LAMA4: variants seen among roughly 807,000 people sequenced by gnomAD.
LAMA4 encodes the protein laminin subunit alpha 4.
LAMA4 carries 127 observed loss-of-function variants against 207.1 expected under a neutral mutation model. The ratio of observed to expected loss-of-function variants is 0.61; its 90% confidence interval spans 0.53 to 0.71. LAMA4 has a LOEUF of 0.71. Among genes scored for constraint, LAMA4 ranks in the 30% least tolerant of loss-of-function variants. LAMA4 has a pLI of 0.00. For missense variants in LAMA4, 2,093 were observed against 2,246.5 expected (o/e 0.93, Z 1.38); for synonymous variants, 761 against 816.0 (o/e 0.93, Z 1.15).
chr6:112,237,283 T>C (rs1554366408), intron 2 of LAMA4, among the ~76,000 whole-genome samples: 1 of 152,214 alleles, frequency 6.6e-6, no homozygotes, highest in Non-Finnish European at 1.5e-5. Flanking sequence ...AGCTGCTCAA[T>C]GCAACCAGTG....
intron 4 of LAMA4, 100 bp from the exon 5 acceptor site, chr6:112,201,788 TC>T: frequency 1.0e-6 from 1 of 956,338 alleles, no homozygotes; most frequent in Non-Finnish European, 1.7e-6. Context: ...CCATTAAAGT[TC>T]TAATGGGTGC....
At chr6:112,110,946 GA>G (rs1198783017) in intron 38 of LAMA4, among the ~76,000 whole-genome samples, 1 of 152,224 alleles carries the variant, frequency 6.6e-6, no homozygotes, top group Non-Finnish European at 1.5e-5. Flanking sequence ...TTCCCAGGTT[GA>G]ATGCTTGACT....
intron 9 of LAMA4, among the ~76,000 whole-genome samples, chr6:112,181,245 A>G (rs966682077): frequency 1.3e-5 from 2 of 152,066 alleles, no homozygotes; most frequent in Admixed American, 1.3e-4. Context: ...CAGTGCCCCT[A>G]TTGTCAGTCT....
chr6:112,151,593 C>G (rs1554335779), intron 16 of LAMA4, among the ~76,000 whole-genome samples: 1 of 152,024 alleles, frequency 6.6e-6, no homozygotes, highest in African/African-American at 2.4e-5. Context: ...ACCTTAGCTT[C>G]TTTTATCAGA....
intron 7 of LAMA4, among the ~76,000 whole-genome samples, chr6:112,188,377 C>A (rs1583836500): frequency 6.6e-6 from 1 of 152,088 alleles, no homozygotes; most frequent in Admixed American, 6.6e-5. Flanking sequence ...CTTAAATTGG[C>A]CTTGTCTAGG....
intron 10 of LAMA4, among the ~76,000 whole-genome samples, chr6:112,177,302 A>G (rs1722165707): frequency 1.3e-5 from 2 of 152,324 alleles, no homozygotes; most frequent in African/African-American, 2.4e-5. Flanking sequence ...GTATAAAGAC[A>G]TGAATCTTCC....
At chr6:112,148,107 A>G (rs782517860) in intron 18 of LAMA4, 50 bp downstream of exon 18, 1 of 1,541,668 alleles carries the variant, frequency 6.5e-7, no homozygotes. Flanking sequence ...TATAGAGTTT[A>G]ATGGCCAATT....
At position 112,150,493 on chromosome 6, in the gene LAMA4, A is replaced by G. The variant is rs368578477; in HGVS notation, c.2173+18T>C. 15 of 1,487,832 alleles carry G rather than the reference A, an allele frequency of 1.0e-5. No homozygotes were observed. The African/African-American group carries it at 1.7e-4, about 16-fold the overall frequency. The allele number at this position is 1,487,832 out of a possible 1,614,324, so 92.2% of individuals were successfully genotyped here. A position where few individuals can be genotyped will look rare whatever the true frequency, so the allele number is the denominator to read the frequency against. Reference sequence around the variant, plus strand: ...CAGTGAATCAACAGATGAGACTTCAATTCTCTCTGATGCTTACCTCTCTCT... The same window carrying G: ...CAGTGAATCAACAGATGAGACTTCAGTTCTCTCTGATGCTTACCTCTCTCT... On this transcript the variant is annotated intron_variant, in intron 17 of 38. Coordinates refer to ENST00000230538, the MANE Select transcript of LAMA4 (RefSeq NM_001105206.3).
At chr6:112,168,516 T>C (rs2114846984) in intron 12 of LAMA4, among the ~76,000 whole-genome samples, 1 of 151,990 alleles carries the variant, frequency 6.6e-6, no homozygotes, top group East Asian at 2.0e-4. Context: ...CAGCTAATTT[T>C]TGTATTTTTA....
chr6:112,110,782 T>G (rs1028268881), intron 38 of LAMA4, among the ~76,000 whole-genome samples: 1 of 152,234 alleles, frequency 6.6e-6, no homozygotes, highest in Non-Finnish European at 1.5e-5. Context: ...ATCCTTTGGC[T>G]TATGAGGGAA....
intron 29 of LAMA4, chr6:112,130,300 T>TTGTGTGTGTGTGTGTGTGTG (rs35563593): frequency 1.1e-3 from 402 of 382,202 alleles, no homozygotes; most frequent in Non-Finnish European, 8.3e-4. Context: ...AGCATTATTT[T>TTGTGTGTGTGTGTGTGTGTG]TGTGTGTGTG....
At chr6:112,166,965 A>G (rs1383784910) in intron 12 of LAMA4, among the ~76,000 whole-genome samples, 7 of 152,226 alleles carry the variant, frequency 4.6e-5, no homozygotes, top group Non-Finnish European at 8.8e-5. Flanking sequence ...TTGGGTATAT[A>G]GTAATCCCTA....
intron 3 of LAMA4, chr6:112,213,676 T>G (rs555302435): frequency 9.0e-5 from 19 of 211,332 alleles, no homozygotes; most frequent in Middle Eastern, 3.2e-3. Flanking sequence ...ATACTCTATA[T>G]TTTGTGGCTG....
chr6:112,227,006 G>C (rs143812392), intron 2 of LAMA4, among the ~76,000 whole-genome samples: 84 of 151,982 alleles, frequency 5.5e-4, no homozygotes, highest in African/African-American at 1.9e-3. Context: ...AAGGAGTGGG[G>C]ATGAGACTGA....
intron 31 of LAMA4, among the ~76,000 whole-genome samples, chr6:112,126,435 T>C (rs2114621923): frequency 6.6e-6 from 1 of 152,312 alleles, no homozygotes; most frequent in South Asian, 2.1e-4. Context: ...GCAAAATCCT[T>C]CATGAGAATC....
intron 2 of LAMA4, among the ~76,000 whole-genome samples, chr6:112,238,424 A>T (rs1260290501): frequency 6.6e-6 from 1 of 152,216 alleles, no homozygotes; most frequent in Non-Finnish European, 1.5e-5. Context: ...TTGAATTAAA[A>T]GTTGGCCAGG....
intron 16 of LAMA4, among the ~76,000 whole-genome samples, chr6:112,152,181 G>A (rs1157921248): frequency 6.6e-6 from 1 of 152,046 alleles, no homozygotes; most frequent in African/African-American, 2.4e-5. Flanking sequence ...GTTCCAGAGT[G>A]CTTTCTTGTT....
At chr6:112,209,120 C>A (rs1784227168) in intron 3 of LAMA4, among the ~76,000 whole-genome samples, 1 of 152,108 alleles carries the variant, frequency 6.6e-6, no homozygotes, top group Non-Finnish European at 1.5e-5. Context: ...CCAGGAAAAA[C>A]CAATGAGCCT....
rs1783130186 is a variant in LAMA4 at position 112,191,694 on chromosome 6, C to G, written c.660G>C (p.Lys220Asn). The change falls in exon 6 of 39, where the codon AAG (lysine) becomes AAC (asparagine). Residue 220 changes from lysine to asparagine, a missense_variant. Lys to Asn is a moderately conservative substitution (Grantham distance 94). Transcript: ENST00000230538. The part of the protein sequence containing the change: ...RNCLRNTTGF[K>N]CERCAPGYYG... Reference sequence around the variant, plus strand: ...AGTAGCCAGGAGCGCAACGTTCACACTTGAATCCGGTGGTGTTGCGTAAGC... The same window carrying G: ...AGTAGCCAGGAGCGCAACGTTCACAGTTGAATCCGGTGGTGTTGCGTAAGC... 1.2e-6 allele frequency: 2 copies of G among 1,614,136 alleles called. No homozygotes were observed. Among genetic ancestry groups the G allele is most frequent in the Non-Finnish European group, 1.7e-6 (2 of 1,180,004 alleles).
Sources: gnomAD v4.1 joint callset for allele counts (sites outside exome capture counted in the v4.1 genomes callset) on GRCh38, gnomAD v4.1.1 for gene constraint, MANE v1.5 for transcripts, NCBI Gene and HGNC (gene_info 2026-07-23, HGNC 2026-07-21) for gene names.